The following TMEM138 variants were observed in gnomAD, a reference collection of about 807,000 sequenced individuals.
TMEM138 encodes transmembrane protein 138.
A neutral mutation model predicts 18.1 loss-of-function variants in TMEM138; 9 were observed. The ratio of observed to expected loss-of-function variants is 0.50; its 90% CI spans 0.30 to 0.87. TMEM138 has a LOEUF of 0.87. Among genes scored for constraint, TMEM138 ranks in the 40% least tolerant of loss-of-function variants. TMEM138 has a pLI of 0.06. For missense variants in TMEM138, 189 were observed against 190.6 expected (o/e 0.99, Z 0.05); for synonymous variants, 79 against 74.8 (o/e 1.06, Z -0.29).
At chr11:61,368,529 TTC>T in intron 4 of TMEM138, 66 bp from the exon 5 acceptor site, 1 of 1,126,464 alleles carries the variant, frequency 8.9e-7, no homozygotes, top group East Asian at 2.4e-5. Flanking sequence ...CCTGGCCAGG[TTC>T]TGTTCTTAAC....
chr11:61,365,876 CTTCATGTCA>C, intron 2 of TMEM138, 160 bp from the exon 3 acceptor site: 1 of 776,074 alleles, frequency 1.3e-6, no homozygotes. Context: ...GTAATTTTAG[CTTCATGTCA>C]TTCAGGTCCC....
chr11:61,365,975 C>T (rs1372794651), intron 2 of TMEM138, 70 bp from the exon 3 acceptor site: 4 of 1,539,514 alleles, frequency 2.6e-6, no homozygotes, highest in South Asian at 1.3e-5. Flanking sequence ...TGGTGTCCCT[C>T]AGGACATAGT....
rs543261298 is a variant in TMEM138 at position 61,364,575 on chromosome 11, A to G, written c.128+57A>G. ...ACCCACGCAATTCAAAGGCCCTGAC[A>G]GTGGTGATTTAGTGTCTTAAAGTTA... is the stretch of plus-strand genomic sequence containing the variant. On this transcript the variant is annotated intron_variant, in intron 2 of 4. Coordinates refer to ENST00000278826, the MANE Select transcript of TMEM138 (RefSeq NM_016464.5). 7.8e-5 allele frequency: 126 copies of G among 1,608,042 alleles called. No individual in the cohort carries two copies. In the African/African-American group the frequency reaches 1.4e-3, roughly 18 times the overall value.
At chr11:61,374,057 G>A (rs1858401994), downstream of TMEM138, among the ~76,000 whole-genome samples, 1 of 151,372 alleles carries the variant, frequency 6.6e-6, no homozygotes, top group South Asian at 2.1e-4. Flanking sequence ...TGGCCATGCT[G>A]GTCTCAAACT....
At chr11:61,368,169 A>G in intron 4 of TMEM138, 171 bp downstream of exon 4, 2 of 728,976 alleles carry the variant, frequency 2.7e-6, no homozygotes, top group East Asian at 5.1e-5. Context: ...GACTATGGGA[A>G]ATGAGGAGGC....
downstream of TMEM138, among the ~76,000 whole-genome samples, chr11:61,370,530 C>G (rs1858314075): frequency 6.6e-6 from 1 of 152,134 alleles, no homozygotes. Context: ...TGGGGGTGAG[C>G]TGAAGCCACA....
At chr11:61,372,483 CAAAAAAAA>C (rs555340626), downstream of TMEM138, among the ~76,000 whole-genome samples, 7 of 84,624 alleles carry the variant, frequency 8.3e-5, no homozygotes, top group Non-Finnish European at 1.7e-4. Flanking sequence ...CATTCTTTCT[CAAAAAAAA>C]AAAAAAAAAA....
chr11:61,365,869 AT>A, intron 2 of TMEM138, 175 bp from the exon 3 acceptor site: 2 of 716,116 alleles, frequency 2.8e-6, no homozygotes, highest in South Asian at 2.8e-5. Context: ...ATTTTAGGTA[AT>A]TTTAGCTTCA....
Position 61,366,209 on chromosome 11 carries a change from G to A in TMEM138, c.293G>A (p.Trp98Ter), listed in dbSNP as rs1213671835. The A allele has an allele frequency of 5.6e-6, 9 of 1,611,936 alleles. No individual in the cohort carries two copies. Among genetic ancestry groups the A allele is most frequent in the Non-Finnish European group, 7.6e-6 (9 of 1,179,248 alleles). ...GCCCTCAGCATCTCCCTTCATGTCTGGGTCATGGTAAGAGTGGCAGTCTGA... is the reference window on the plus strand; with the variant it reads ...GCCCTCAGCATCTCCCTTCATGTCTAGGTCATGGTAAGAGTGGCAGTCTGA... ...YFALSISLHV[W>*]VMNLRWKNSN... The change falls in exon 3 of 5, where the codon TGG becomes TAG. Residue 98 changes from tryptophan (W) to a stop codon, truncating the protein, a stop_gained. Transcript: ENST00000278826. LOFTEE classifies it high-confidence loss of function.
downstream of TMEM138, among the ~76,000 whole-genome samples, chr11:61,374,631 T>C (rs1858411598): frequency 6.6e-6 from 1 of 152,196 alleles, no homozygotes; most frequent in South Asian, 2.1e-4. Flanking sequence ...TTTGGTCCTC[T>C]TTAGAAGGTG....
chr11:61,371,558 GTT>G (rs1478211553), downstream of TMEM138, among the ~76,000 whole-genome samples: 1 of 152,186 alleles, frequency 6.6e-6, no homozygotes. Context: ...TAAAGTAAGA[GTT>G]TGTTAGATTT....
downstream of TMEM138, among the ~76,000 whole-genome samples, chr11:61,372,520 C>T (rs201410304): frequency 1.3e-4 from 19 of 150,866 alleles, no homozygotes; most frequent in African/African-American, 1.7e-4. Flanking sequence ...CGGTGGCTCA[C>T]GCCTGTAATC....
downstream of TMEM138, among the ~76,000 whole-genome samples, chr11:61,371,430 T>C (rs1858340917): frequency 6.6e-6 from 1 of 152,190 alleles, no homozygotes; most frequent in Admixed American, 6.5e-5. Flanking sequence ...TCAGGCATCC[T>C]TAGATGACTG....
Position 61,367,934 on chromosome 11 carries a change from G to C in TMEM138, c.312G>C (p.Trp104Cys). ...CACATCTCCTTCAGAACTTACGCTG[G>C]AAAAACTCCAACAGCTTCATATGGA... ...SLHVWVMNLR[W>C]KNSNSFIWTD... Residue 104 changes from tryptophan to cysteine, a missense_variant, in exon 4 of 5, where the codon TGG becomes TGC. Physicochemically the swap from Trp to Cys is radical, Grantham distance 215. Transcript: ENST00000278826. 1 of 1,612,626 alleles carries C rather than the reference G, an allele frequency of 6.2e-7. No individual in the cohort carries two copies. Among genetic ancestry groups the C allele is most frequent in the Non-Finnish European group, 8.5e-7 (1 of 1,178,726 alleles).
In TMEM138 at chr11:61,367,906, T is replaced by C; in HGVS notation, c.301-17T>C. 1 of 1,582,558 alleles carries C rather than the reference T, an allele frequency of 6.3e-7. No individual in the cohort carries two copies. The highest frequency in any genetic ancestry group is 1.7e-5 in the Admixed American group (1 of 59,926). ...TCTTGTGGCCATTAACTTTTGTGTATCTCACATCTCCTTCAGAACTTACGC... is the reference window on the plus strand; with the variant it reads ...TCTTGTGGCCATTAACTTTTGTGTACCTCACATCTCCTTCAGAACTTACGC... On this transcript the variant is annotated splice_polypyrimidine_tract_variant and intron_variant, in intron 3 of 4. Transcript: ENST00000278826.
intron 3 of TMEM138, chr11:61,366,930 C>T: frequency 6.6e-6 from 1 of 152,290 alleles, no homozygotes; most frequent in Admixed American, 6.5e-5. Flanking sequence ...CAGCCTTGTC[C>T]AAGAGTCAGG....
chr11:61,362,732 G>A (rs1857971115), intron 1 of TMEM138: 1 of 152,226 alleles, frequency 6.6e-6, no homozygotes, highest in African/African-American at 2.4e-5. Flanking sequence ...TGGCCTATGA[G>A]TAGTGGTTAA....
Position 61,366,169 on chromosome 11 carries a change from A to T in TMEM138, c.253A>T (p.Thr85Ser), listed in dbSNP as rs148639036. ...FHKFKGTIIL[T>S]AVYFALSISL... Reference sequence around the variant, plus strand: ...TAAGTTCAAAGGGACCATCATCCTGACAGCTGTGTACTTTGCCCTCAGCAT... The same window carrying T: ...TAAGTTCAAAGGGACCATCATCCTGTCAGCTGTGTACTTTGCCCTCAGCAT... The change falls in exon 3 of 5, where the codon ACA becomes TCA. Residue 85 changes from threonine (T) to serine (S), a missense_variant. Coordinates refer to ENST00000278826, the MANE Select transcript of TMEM138 (RefSeq NM_016464.5). 1.1e-5 allele frequency: 17 copies of T among 1,614,076 alleles called. No individual in the cohort carries two copies. The highest frequency in any genetic ancestry group is 1.4e-5 in the Non-Finnish European group (16 of 1,180,038).
downstream of TMEM138, among the ~76,000 whole-genome samples, chr11:61,372,040 G>C (rs982647118): frequency 7.2e-5 from 11 of 152,010 alleles, no homozygotes; most frequent in Admixed American, 6.6e-4. Context: ...GGCAGGTGTG[G>C]TGGCACATGC....
Sources: gnomAD v4.1 joint callset for allele counts (sites outside exome capture counted in the v4.1 genomes callset) on GRCh38, gnomAD v4.1.1 for gene constraint, MANE v1.5 for transcripts, NCBI Gene and HGNC (gene_info 2026-07-23, HGNC 2026-07-21) for gene names.